Variants in VAC14 observed in about 807,000 individuals in gnomAD.
VAC14 encodes VAC14 component of PIKFYVE complex, also known as protein VAC14 homolog.
In VAC14, 47 loss-of-function variants were observed where a neutral mutation model predicts 85.3. The ratio of observed to expected loss-of-function variants is 0.55; its 90% CI spans 0.44 to 0.70. The LOEUF is 0.70. Among genes scored for constraint, VAC14 ranks in the 30% least tolerant of loss-of-function variants. The pLI is 0.00. For missense variants in VAC14, 861 were observed against 1,004.3 expected, an observed-to-expected ratio of 0.86 and a Z score of 1.93; for synonymous variants, 447 against 430.5, an observed-to-expected ratio of 1.04 and a Z score of -0.47.
intron 9 of VAC14, among the ~76,000 whole-genome samples, chr16:70,775,710 A>C (rs1379254154): frequency 6.6e-6 from 1 of 152,252 alleles, no homozygotes; most frequent in Non-Finnish European, 1.5e-5. Context: ...TGGGCAGGAT[A>C]GACTGGAACA....
At chr16:70,728,569 C>A (rs867716449) in intron 14 of VAC14, among the ~76,000 whole-genome samples, 2 of 152,226 alleles carry the variant, frequency 1.3e-5, no homozygotes, top group East Asian at 3.9e-4. Context: ...TGGCCTCCAG[C>A]TTCACAGAGC....
chr16:70,768,449 T>C (rs1057437066), intron 10 of VAC14: 3 of 185,664 alleles, frequency 1.6e-5, no homozygotes, highest in African/African-American at 7.2e-5. Context: ...TCCAACCGGG[T>C]TCCTTCACGT....
intron 14 of VAC14, among the ~76,000 whole-genome samples, chr16:70,703,976 T>TG (rs146051483): frequency 0.052 from 7,854 of 152,318 alleles, 201 homozygotes; most frequent in East Asian, 0.096. Flanking sequence ...AGCATCTGCC[T>TG]GGAGGTGACT....
intron 13 of VAC14, among the ~76,000 whole-genome samples, chr16:70,741,196 TATGGCTTC>T (rs2030265380): frequency 6.6e-6 from 1 of 152,198 alleles, no homozygotes; most frequent in Non-Finnish European, 1.5e-5. Flanking sequence ...AGGAAGAGGG[TATGGCTTC>T]ACAGCCTTGT....
chr16:70,722,260 C>G (rs1295374172), intron 14 of VAC14, among the ~76,000 whole-genome samples: 4 of 152,216 alleles, frequency 2.6e-5, no homozygotes, highest in African/African-American at 9.6e-5. Context: ...GACTCTTCCC[C>G]GGGCACTGCA....
chr16:70,784,529 G>A (rs1261699816), intron 4 of VAC14, among the ~76,000 whole-genome samples: 1 of 152,224 alleles, frequency 6.6e-6, no homozygotes, highest in Non-Finnish European at 1.5e-5. Context: ...GAAAGTGACA[G>A]GCAAGCTTCT....
At chr16:70,727,949 T>C (rs1488288205) in intron 14 of VAC14, among the ~76,000 whole-genome samples, 3 of 152,116 alleles carry the variant, frequency 2.0e-5, no homozygotes, top group Admixed American at 1.3e-4. Context: ...AGGATGCACA[T>C]TGACAGGTGT....
intron 14 of VAC14, among the ~76,000 whole-genome samples, chr16:70,726,355 C>G (rs1405650263): frequency 6.6e-6 from 1 of 152,234 alleles, no homozygotes; most frequent in Non-Finnish European, 1.5e-5. Context: ...GCACTGGAGC[C>G]AGCTCTCGGC....
intron 14 of VAC14, among the ~76,000 whole-genome samples, chr16:70,702,172 G>A (rs953557340): frequency 6.6e-6 from 1 of 152,206 alleles, no homozygotes. Flanking sequence ...TTTGTGCTGT[G>A]CAAACACCAG....
chr16:70,791,430 G>A (rs2034334566), intron 1 of VAC14, among the ~76,000 whole-genome samples: 1 of 152,140 alleles, frequency 6.6e-6, no homozygotes, highest in Non-Finnish European at 1.5e-5. Context: ...TGTTGCCCAG[G>A]CTGGAGTGCA....
intron 18 of VAC14, chr16:70,690,332 G>A (rs1272297607): frequency 1.0e-6 from 1 of 985,504 alleles, no homozygotes; most frequent in Non-Finnish European, 1.2e-6. Context: ...ACCTAATGCA[G>A]ATGGCTGCTC....
chr16:70,762,847 A>G lies in VAC14; in HGVS notation c.1305+34T>C. The G allele has an allele frequency of 1.5e-5, 24 of 1,613,822 alleles. No individual in the cohort carries two copies. Among genetic ancestry groups the G allele is most frequent in the Non-Finnish European group, 1.9e-5 (23 of 1,179,808 alleles). On this transcript the variant is annotated intron_variant, in intron 11 of 18. Transcript: ENST00000261776. The surrounding 1 kb of genome is among the most constrained non-coding windows in gnomAD (Gnocchi z 4.1). ...CCTGGAAAACCAAGGCGGACCCAGA[A>G]GAGGCCCCTGGCTTGGAGGGGCCCA...
chr16:70,724,327 A>G (rs1597886933), intron 14 of VAC14, among the ~76,000 whole-genome samples: 1 of 151,196 alleles, frequency 6.6e-6, no homozygotes, highest in African/African-American at 2.4e-5. Context: ...ACCACCCCCC[A>G]CTCCATCTCC....
chr16:70,722,284 G>T (rs2054313389), intron 14 of VAC14, among the ~76,000 whole-genome samples: 1 of 152,320 alleles, frequency 6.6e-6, no homozygotes, highest in Middle Eastern at 3.4e-3. Context: ...TCCCTTGCAG[G>T]GTGGCGAGTG....
At chr16:70,784,980 C>G (rs2033981176) in intron 3 of VAC14, 142 bp from the exon 4 acceptor site, 2 of 763,946 alleles carry the variant, frequency 2.6e-6, no homozygotes, top group Admixed American at 4.1e-5. Context: ...TCGGTGAACA[C>G]ATTTGAGAAA....
At chr16:70,781,021 T>C (rs1337298895) in intron 8 of VAC14, 82 bp from the exon 9 acceptor site, 15 of 1,574,660 alleles carry the variant, frequency 9.5e-6, no homozygotes, top group South Asian at 1.1e-5. Context: ...ATTCCCAGTG[T>C]TGGAGGTGGG....
At chr16:70,705,984 T>C (rs896211700) in intron 14 of VAC14, among the ~76,000 whole-genome samples, 4 of 152,198 alleles carry the variant, frequency 2.6e-5, no homozygotes, top group African/African-American at 9.7e-5. Flanking sequence ...GGTCTCCTCC[T>C]ACTGCCCAAC....
chr16:70,791,776 T>G (rs535024274), intron 1 of VAC14, among the ~76,000 whole-genome samples: 1 of 152,176 alleles, frequency 6.6e-6, no homozygotes, highest in Non-Finnish European at 1.5e-5. Context: ...GAACTTTGAG[T>G]GCAGTAGGTG....
In VAC14 at chr16:70,755,223, C is replaced by T. The variant is rs1447347799; in HGVS notation, c.1371+7317G>A. ...AGATGGAGAGGGCTTCTGGACTGAG[C>T]CCTGGAGGGGGGCTAGGGGCCACCA... On this transcript the variant is annotated intron_variant, in intron 12 of 18. Transcript: ENST00000261776. 1.2e-5 allele frequency: 4 copies of T among 345,780 alleles called. 1 individual carries two copies. The highest frequency in any genetic ancestry group is 4.2e-5 in the South Asian group (2 of 47,498). 21.4% of individuals were successfully genotyped at this position (345,780 alleles called of 1,614,324 possible). A position where few individuals can be genotyped will look rare whatever the true frequency, so the allele number is the denominator to read the frequency against.
Sources: gnomAD v4.1 joint callset for allele counts (sites outside exome capture counted in the v4.1 genomes callset) on GRCh38, gnomAD v4.1.1 for gene constraint, Gnocchi (gnomAD v3.1) non-coding constraint, MANE v1.5 for transcripts, NCBI Gene and HGNC (gene_info 2026-07-23, HGNC 2026-07-21) for gene names.